Variants in AEBP2 observed in about 807,000 individuals in gnomAD.
AEBP2 encodes AE binding protein 2.
In AEBP2, 10 loss-of-function variants were observed where a neutral mutation model predicts 50.8. The observed-to-expected ratio is 0.20, with a 90% CI of 0.12 to 0.33. AEBP2 has a LOEUF of 0.33. AEBP2 is among the 10% of genes least tolerant of loss of function. The probability of loss-of-function intolerance (pLI) is 1.00; values close to 1 mark genes in which losing one functional copy is unlikely to be tolerated. For missense variants in AEBP2, 570 were observed against 688.0 expected (o/e 0.83, Z 1.92); for synonymous variants, 296 against 261.3 (o/e 1.13, Z -1.28).
chr12:19,488,176 T>C (rs996392566), intron 3 of AEBP2, among the ~76,000 whole-genome samples: 3 of 150,890 alleles, frequency 2.0e-5, no homozygotes, highest in Non-Finnish European at 4.4e-5. Context: ...CAGGCTAGAG[T>C]GCAGTGGTAT....
chr12:19,479,532 C>T (rs1488207838), intron 3 of AEBP2, among the ~76,000 whole-genome samples: 2 of 149,456 alleles, frequency 1.3e-5, no homozygotes, highest in African/African-American at 4.9e-5. Flanking sequence ...ATTATTATTA[C>T]ATAATTATGT....
chr12:19,481,798 C>G (rs549356350), intron 3 of AEBP2, among the ~76,000 whole-genome samples: 2 of 152,128 alleles, frequency 1.3e-5, no homozygotes, highest in African/African-American at 2.4e-5. Flanking sequence ...TTTTCTGTTT[C>G]TCTAAGTGTG....
intron 5 of AEBP2, among the ~76,000 whole-genome samples, chr12:19,511,624 T>A (rs910232082): frequency 6.6e-6 from 1 of 152,176 alleles, no homozygotes; most frequent in Non-Finnish European, 1.5e-5. Context: ...TCCAGAAGAA[T>A]GGAGACCTGA....
At chr12:19,491,847 G>A (rs545370993) in intron 3 of AEBP2, among the ~76,000 whole-genome samples, 1 of 152,050 alleles carries the variant, frequency 6.6e-6, no homozygotes, top group African/African-American at 2.4e-5. Flanking sequence ...AAAATGGAAA[G>A]TGTGAGTTGA....
At chr12:19,441,944 A>G (rs183410665) in intron 1 of AEBP2, among the ~76,000 whole-genome samples, 34 of 152,234 alleles carry the variant, frequency 2.2e-4, no homozygotes, top group African/African-American at 7.5e-4. Context: ...TTTCATTCCC[A>G]CAACTATGGT....
At chr12:19,457,595 C>T (rs774023477) in intron 1 of AEBP2, 32 of 1,480,182 alleles carry the variant, frequency 2.2e-5, no homozygotes, top group Non-Finnish European at 2.8e-5. Flanking sequence ...TGGACTTGTA[C>T]GAATCTACGT....
upstream of AEBP2, among the ~76,000 whole-genome samples, chr12:19,436,765 CAAAA>C (rs950544747): frequency 6.6e-6 from 1 of 151,058 alleles, no homozygotes; most frequent in African/African-American, 2.4e-5. Context: ...TAGTTAACAA[CAAAA>C]AAAAGTGTTT....
intron 3 of AEBP2, among the ~76,000 whole-genome samples, chr12:19,491,099 G>A (rs561162676): frequency 6.6e-6 from 1 of 152,314 alleles, no homozygotes; most frequent in East Asian, 1.9e-4. Flanking sequence ...GGTTTGCAGT[G>A]ACCTTGGCAG....
intron 3 of AEBP2, among the ~76,000 whole-genome samples, chr12:19,474,929 A>T (rs1394957378): frequency 6.6e-6 from 1 of 151,940 alleles, no homozygotes; most frequent in Non-Finnish European, 1.5e-5. Flanking sequence ...AGTAGCTGGG[A>T]TTACCGGCAT....
chr12:19,440,837 A>C, intron 1 of AEBP2: 1 of 1,350,422 alleles, frequency 7.4e-7, no homozygotes, highest in Admixed American at 2.1e-5. Flanking sequence ...TGTCCATGGG[A>C]GAGACCCCAG....
At chr12:19,468,152 G>GTGTC (rs1318787211) in intron 2 of AEBP2, among the ~76,000 whole-genome samples, 2 of 148,946 alleles carry the variant, frequency 1.3e-5, no homozygotes, top group African/African-American at 5.1e-5. Context: ...GTGTGTGTGT[G>GTGTC]TGTGTATGTG....
intron 2 of AEBP2, among the ~76,000 whole-genome samples, chr12:19,470,193 T>G (rs1187531413): frequency 6.6e-6 from 1 of 152,018 alleles, no homozygotes; most frequent in Non-Finnish European, 1.5e-5. Flanking sequence ...GAGTTTTGCT[T>G]TGAGTGCAGG....
intron 1 of AEBP2, among the ~76,000 whole-genome samples, chr12:19,458,968 C>T (rs1003055294): frequency 3.9e-5 from 6 of 152,148 alleles, no homozygotes; most frequent in South Asian, 2.1e-4. Flanking sequence ...CATGACTACC[C>T]TGCACTTGTG....
chr12:19,517,451 A>G (rs1401076010), intron 7 of AEBP2, among the ~76,000 whole-genome samples: 1 of 152,210 alleles, frequency 6.6e-6, no homozygotes, highest in Non-Finnish European at 1.5e-5. Context: ...ACAAAATAAT[A>G]CAAATAAGAC....
chr12:19,441,364 T>C (rs1310987618), intron 1 of AEBP2, among the ~76,000 whole-genome samples: 2 of 152,216 alleles, frequency 1.3e-5, no homozygotes, highest in African/African-American at 4.8e-5. Flanking sequence ...TAATGTACTT[T>C]TAAAAAAACG....
chr12:19,404,742 A>G (rs1479797506), intron 1 of AEBP2, among the ~76,000 whole-genome samples: 1 of 152,144 alleles, frequency 6.6e-6, no homozygotes. Flanking sequence ...CAGGCTCCTC[A>G]GGAAGAAATT....
intron 1 of AEBP2, among the ~76,000 whole-genome samples, chr12:19,449,022 A>T (rs1565707976): frequency 6.6e-6 from 1 of 152,172 alleles, no homozygotes; most frequent in Non-Finnish European, 1.5e-5. Flanking sequence ...CAAAGAGTAG[A>T]TGAATTGGCA....
chr12:19,445,811 G>A (rs1948051615), intron 1 of AEBP2: 1 of 151,988 alleles, frequency 6.6e-6, no homozygotes, highest in Non-Finnish European at 1.5e-5. Context: ...TTCTGTGGTG[G>A]GCCTAAAAGC....
In AEBP2 at chr12:19,432,417, G is replaced by A. The variant is rs898465161; in HGVS notation, c.-17+28201G>A. Among the ~76,000 whole-genome samples, 8 of 152,128 alleles carry A rather than the reference G, an allele frequency of 5.3e-5. No individual in the cohort carries two copies. In the East Asian group the frequency reaches 1.5e-3, roughly 29 times the overall value. ...TTGTTTGTATCCCAAATTTTGGCAG[G>A]GCATGGTGGCTCATGCTTGTAATCC... On this transcript the variant is annotated intron_variant, in intron 1 of 3. Transcript: ENST00000538425.
Sources: gnomAD v4.1 joint callset for allele counts (sites outside exome capture counted in the v4.1 genomes callset) on GRCh38, gnomAD v4.1.1 for gene constraint, MANE v1.5 for transcripts, NCBI Gene and HGNC (gene_info 2026-07-23, HGNC 2026-07-21) for gene names.